The following KANK1 variants were observed in gnomAD, a reference collection of about 807,000 sequenced individuals.
KANK1 encodes KN motif and ankyrin repeat domains 1.
In KANK1, 109 loss-of-function variants were observed where a neutral mutation model predicts 106.2. That is an observed-to-expected ratio of 1.03 (90% CI 0.88 to 1.20). KANK1 has a LOEUF of 1.20. KANK1 is among the 50% of genes most tolerant of loss of function. KANK1 has a pLI of 0.00. For synonymous variants in KANK1, 873 were observed against 652.2 expected, an observed-to-expected ratio of 1.34 and a Z score of -5.16; for missense variants, 2,399 against 1,710.7, an observed-to-expected ratio of 1.40 and a Z score of -7.10.
At chr9:605,353 C>G (rs1001002297) in intron 1 of KANK1, among the ~76,000 whole-genome samples, 2 of 150,984 alleles carry the variant, frequency 1.3e-5, no homozygotes, top group Admixed American at 1.3e-4. Flanking sequence ...GATAATCACT[C>G]TCAGATAGTA....
intron 7 of KANK1, among the ~76,000 whole-genome samples, chr9:735,036 G>A (rs756530778): frequency 6.6e-6 from 1 of 152,138 alleles, no homozygotes; most frequent in South Asian, 2.1e-4. Context: ...GCCCAACTTC[G>A]GACATCCTTT....
rs1456459653 is a variant in KANK1, at chr9:643,973, G to T, written c.-83-32917G>T. On this transcript the variant is annotated intron_variant, in intron 1 of 11. Transcript: ENST00000382297. ...CCGCCTTGGCCTCCCAAAGTGCTGGGATTACAGGCGTGAGCTGCCACGCCT... is the reference window on the plus strand; with the variant it reads ...CCGCCTTGGCCTCCCAAAGTGCTGGTATTACAGGCGTGAGCTGCCACGCCT... Among the ~76,000 whole-genome samples, 9 of 151,046 alleles carry T rather than the reference G, an allele frequency of 6.0e-5. 3 individuals are homozygous for T. Among genetic ancestry groups the T allele is most frequent in the African/African-American group, 2.2e-4 (9 of 40,338 alleles).
intron 2 of KANK1, among the ~76,000 whole-genome samples, chr9:695,934 T>C (rs1821158104): frequency 6.6e-6 from 1 of 152,134 alleles, no homozygotes; most frequent in African/African-American, 2.4e-5. Context: ...TGTGGGGCTT[T>C]ACACTTCAGC....
At chr9:536,803 C>T (rs1175820011) in intron 1 of KANK1, among the ~76,000 whole-genome samples, 4 of 152,128 alleles carry the variant, frequency 2.6e-5, no homozygotes, top group Non-Finnish European at 4.4e-5. Context: ...CTTTGGGGGG[C>T]GCATTTTTCT....
Position 713,400 on chromosome 9 carries a change from A to T in KANK1, c.2634A>T (p.Lys878Asn). 1 of 1,613,540 alleles carries T rather than the reference A, an allele frequency of 6.2e-7. No homozygotes were observed. The highest frequency in any genetic ancestry group is 1.1e-5 in the South Asian group (1 of 90,904). The change falls in exon 3 of 12, where the codon AAA (lysine) becomes AAT (asparagine). Residue 878 changes from lysine to asparagine, a missense_variant. Transcript: ENST00000382297. ...STLSSINSVM[K>N]SASTEELRNP... ...TGTCGTCTATCAACTCTGTCATGAA[A>T]TCTGCAAGCACTGAAGAGCTGAGGA...
intron 3 of KANK1, among the ~76,000 whole-genome samples, chr9:494,181 A>G (rs928170619): frequency 2.6e-5 from 4 of 152,224 alleles, no homozygotes; most frequent in Non-Finnish European, 5.9e-5. Flanking sequence ...GCACCCAGCA[A>G]TACATTTTAA....
Position 711,374 on chromosome 9 carries a change from G to A in KANK1, c.608G>A (p.Gly203Glu). ...TSSLPSFVGSGNHNPAKHQLQ... is the reference protein window; with the variant it reads ...TSSLPSFVGSENHNPAKHQLQ... ...TCCCTCCCTTCTTTTGTGGGTTCTG[G>A]AAACCACAATCCTGCCAAGCACCAG... The change falls in exon 3 of 12, where the codon GGA (glycine) becomes GAA (glutamate). Residue 203 changes from glycine (G) to glutamate (E), a missense_variant. Physicochemically the swap from Gly to Glu is moderately conservative, Grantham distance 98. Coordinates refer to ENST00000382297, the MANE Select transcript of KANK1 (RefSeq NM_015158.5). The A allele has an allele frequency of 6.2e-7, 1 of 1,614,142 alleles. No individual in the cohort carries two copies. The highest frequency in any genetic ancestry group is 2.2e-5 in the East Asian group (1 of 44,874).
intron 1 of KANK1, among the ~76,000 whole-genome samples, chr9:642,081 G>A (rs1282647353): frequency 6.6e-6 from 1 of 152,170 alleles, no homozygotes; most frequent in African/African-American, 2.4e-5. Context: ...CTGGAGATAG[G>A]ATGCCCATAG....
chr9:744,595 TG>T lies in KANK1; in HGVS notation c.3996+7del. ...TTGCAAAAGCCCAGTCTCCGGTCAG[TG>T]TTGTGCATTTGGCATTTGTAAATAG... On this transcript the variant is annotated splice_region_variant and intron_variant, in intron 11 of 11. Transcript: ENST00000382297. 1 of 1,614,068 alleles carries T rather than the reference TG, an allele frequency of 6.2e-7. No individual in the cohort carries two copies. Among genetic ancestry groups the T allele is most frequent in the Non-Finnish European group, 8.5e-7 (1 of 1,179,988 alleles).
At chr9:648,141 C>A (rs1840107769) in intron 1 of KANK1, among the ~76,000 whole-genome samples, 2 of 148,378 alleles carry the variant, frequency 1.3e-5, no homozygotes, top group South Asian at 4.2e-4. Flanking sequence ...GTAGCTGGGA[C>A]CACAGGCACA....
At chr9:666,463 A>G (rs1383857314) in intron 1 of KANK1, among the ~76,000 whole-genome samples, 1 of 151,994 alleles carries the variant, frequency 6.6e-6, no homozygotes, top group Non-Finnish European at 1.5e-5. Flanking sequence ...CTAACTGGCC[A>G]GGACTTCCGC....
At chr9:535,567 T>C (rs2060259252) in intron 1 of KANK1, among the ~76,000 whole-genome samples, 1 of 152,128 alleles carries the variant, frequency 6.6e-6, no homozygotes, top group Non-Finnish European at 1.5e-5. Context: ...ATTAGTAACA[T>C]GTAAGGAAAA....
chr9:682,435 A>T (rs1027363382), intron 2 of KANK1, among the ~76,000 whole-genome samples: 1 of 152,234 alleles, frequency 6.6e-6, no homozygotes, highest in African/African-American at 2.4e-5. Flanking sequence ...CAGTTTCAAT[A>T]AGCTTTTATA....
chr9:517,048 G>T (rs554424100), intron 1 of KANK1, among the ~76,000 whole-genome samples: 2 of 141,846 alleles, frequency 1.4e-5, no homozygotes, highest in African/African-American at 5.5e-5. Flanking sequence ...GTTTTTTGGT[G>T]GGCTCAGAGC....
intron 1 of KANK1, among the ~76,000 whole-genome samples, chr9:595,890 T>C (rs1455239007): frequency 1.3e-5 from 2 of 151,836 alleles, no homozygotes; most frequent in Non-Finnish European, 2.9e-5. Context: ...TGATAACAAA[T>C]AGCTTTTACA....
chr9:513,554 G>A (rs12339635), intron 1 of KANK1, among the ~76,000 whole-genome samples: 24,693 of 152,046 alleles, frequency 0.16, 3,654 homozygotes, highest in African/African-American at 0.4. Context: ...TAGTCTTGTT[G>A]GTTTGCATTC....
chr9:502,279 G>A (rs1364268435), upstream of KANK1, among the ~76,000 whole-genome samples: 3 of 152,126 alleles, frequency 2.0e-5, no homozygotes, highest in Admixed American at 6.6e-5. Flanking sequence ...GTGACTTTGG[G>A]AATATATTCA....
At chr9:550,158 G>C (rs1008039413) in intron 1 of KANK1, among the ~76,000 whole-genome samples, 5 of 151,708 alleles carry the variant, frequency 3.3e-5, no homozygotes, top group African/African-American at 1.2e-4. Flanking sequence ...TTGCAGGTGG[G>C]ATAAATAAGC....
chr9:697,447 G>A (rs1252430062), intron 2 of KANK1, among the ~76,000 whole-genome samples: 1 of 152,070 alleles, frequency 6.6e-6, no homozygotes. Flanking sequence ...GGAGCTCCTG[G>A]CACATGACTT....
Sources: allele counts gnomAD v4.1 joint callset (sites outside exome capture counted in the v4.1 genomes callset), GRCh38; gene constraint gnomAD v4.1.1; transcripts MANE v1.5; gene names NCBI Gene and HGNC (gene_info 2026-07-23, HGNC 2026-07-21).